CRYL1: variants seen among roughly 807,000 people sequenced by gnomAD.
CRYL1 encodes the protein lambda-crystallin homolog.
CRYL1 carries 29 observed loss-of-function variants against 36.6 expected under a neutral mutation model. The observed-to-expected ratio is 0.79, with a 90% CI of 0.59 to 1.08. The LOEUF (loss-of-function observed/expected upper bound fraction) is 1.08. CRYL1 is among the 50% of genes least tolerant of loss of function. The pLI, the probability that CRYL1 is intolerant of heterozygous loss-of-function variation, is 0.00. For synonymous variants in CRYL1, 152 were observed against 151.5 expected (o/e 1.00, Z -0.02); for missense variants, 411 against 407.9 (o/e 1.01, Z -0.06).
intron 5 of CRYL1, among the ~76,000 whole-genome samples, chr13:20,419,721 GT>G (rs2137374035): frequency 6.6e-6 from 1 of 152,318 alleles, no homozygotes; most frequent in African/African-American, 2.4e-5. Context: ...CCTAGATTAA[GT>G]TTATATTGAG....
rs868668201 is a variant in CRYL1, at chr13:20,503,425, G to A, written c.149+9018C>T. ...GGCTTCCCTCATCTGTTTAGCAGTC[G>A]GTGCTGTGCTGGATGGTGCTGGCTG... On this transcript the variant is annotated intron_variant, in intron 2 of 7. Transcript: ENST00000298248. Among the ~76,000 whole-genome samples the A allele has an allele frequency of 3.3e-5, 5 of 152,322 alleles. No individual in the cohort carries two copies. The South Asian group carries it at 8.3e-4, about 25-fold the overall frequency.
chr13:20,415,080 C>A lies in CRYL1; in HGVS notation c.634-1693G>T, dbSNP rs192023189. 4.5e-3 allele frequency among the ~76,000 whole-genome samples: 684 copies of A among 152,306 alleles called. 7 individuals carry two copies. Among genetic ancestry groups the A allele is most frequent in the African/African-American group, 0.015 (641 of 41,576 alleles). On this transcript the variant is annotated intron_variant, in intron 5 of 7. Transcript: ENST00000298248. This position sits in a 1 kb window ranked among gnomAD's most constrained non-coding sequence, Gnocchi z 4.1. Reference sequence around the variant, plus strand: ...ATCGCGGCCTGGGCGGGCCCGCCTGCCCTCGGCTGAGCCCGGTTTCCCTAC... The same window carrying A: ...ATCGCGGCCTGGGCGGGCCCGCCTGACCTCGGCTGAGCCCGGTTTCCCTAC...
intron 3 of CRYL1, among the ~76,000 whole-genome samples, chr13:20,484,160 A>T (rs1313615303): frequency 6.6e-6 from 1 of 152,184 alleles, no homozygotes; most frequent in Non-Finnish European, 1.5e-5. Flanking sequence ...AACTGTCTCC[A>T]AGTAGCCTAG....
intron 5 of CRYL1, among the ~76,000 whole-genome samples, chr13:20,423,489 C>T (rs887529321): frequency 6.6e-6 from 1 of 152,062 alleles, no homozygotes; most frequent in Non-Finnish European, 1.5e-5. Context: ...TGAATGTTGT[C>T]GTGTGCTTTT....
At chr13:20,523,034 A>G (rs955992639) in intron 1 of CRYL1, among the ~76,000 whole-genome samples, 1 of 147,664 alleles carries the variant, frequency 6.8e-6, no homozygotes, top group African/African-American at 2.5e-5. Context: ...CTCCTGACTC[A>G]GCCTCCTGAG....
chr13:20,421,209 A>G lies in CRYL1; in HGVS notation c.634-7822T>C, dbSNP rs1593432877. Among the ~76,000 whole-genome samples, 4 of 152,140 alleles carry G rather than the reference A, an allele frequency of 2.6e-5. No individual in the cohort carries two copies. The South Asian group carries it at 8.3e-4, about 32-fold the overall frequency. On this transcript the variant is annotated intron_variant, in intron 5 of 7. Transcript: ENST00000298248. ...TATAATGATGCTTTTAGGGGGAAAA[A>G]CAACAGTATTATAGAGTTTGAAAGA...
intron 4 of CRYL1, among the ~76,000 whole-genome samples, chr13:20,434,720 C>G (rs1036470095): frequency 6.7e-6 from 1 of 149,992 alleles, no homozygotes; most frequent in Non-Finnish European, 1.5e-5. Flanking sequence ...CTACCACTTA[C>G]TCTTTGGGTC....
chr13:20,455,560 C>T (rs887103874), intron 3 of CRYL1, among the ~76,000 whole-genome samples: 1 of 144,326 alleles, frequency 6.9e-6, no homozygotes, highest in Non-Finnish European at 1.5e-5. Flanking sequence ...TCAAGCTATA[C>T]CATAATCATG....
intron 3 of CRYL1, among the ~76,000 whole-genome samples, chr13:20,466,110 C>T (rs966416413): frequency 1.3e-5 from 2 of 152,194 alleles, no homozygotes; most frequent in African/African-American, 4.8e-5. Flanking sequence ...GCCTGCAGAA[C>T]CAAGAGCCAA....
intron 3 of CRYL1, among the ~76,000 whole-genome samples, chr13:20,443,663 G>A (rs1593448136): frequency 6.6e-6 from 1 of 152,098 alleles, no homozygotes. Flanking sequence ...AAAGTGCTGG[G>A]ATTACAGGTG....
At chr13:20,451,276 C>G (rs1029186571) in intron 3 of CRYL1, among the ~76,000 whole-genome samples, 1 of 151,716 alleles carries the variant, frequency 6.6e-6, no homozygotes, top group Non-Finnish European at 1.5e-5. Flanking sequence ...GCAACAGAAA[C>G]AAAAACTGAC....
chr13:20,459,353 T>C (rs940061869), intron 3 of CRYL1, among the ~76,000 whole-genome samples: 2 of 151,776 alleles, frequency 1.3e-5, no homozygotes, highest in Admixed American at 1.3e-4. Context: ...ACTGGGTATA[T>C]AGCCAAAGGA....
chr13:20,518,168 G>A (rs906543064), intron 1 of CRYL1, among the ~76,000 whole-genome samples: 2 of 151,938 alleles, frequency 1.3e-5, no homozygotes, highest in South Asian at 2.1e-4. Flanking sequence ...GAGGAAATAC[G>A]TAAAGGGCAC....
rs577954943 is a variant in CRYL1, at chr13:20,493,810, G to C, written c.150-4314C>G. Among the ~76,000 whole-genome samples the C allele has an allele frequency of 4.5e-4, 68 of 152,308 alleles. 1 individual carries two copies. The South Asian group carries it at 0.014, about 31-fold the overall frequency. On this transcript the variant is annotated intron_variant, in intron 2 of 7. Transcript: ENST00000298248. Reference sequence around the variant, plus strand: ...CAGGCCATAAAAAGTCAGGACTTTAGAAAAGGACACAGCCACCCTATAACT... The same window carrying C: ...CAGGCCATAAAAAGTCAGGACTTTACAAAAGGACACAGCCACCCTATAACT...
At chr13:20,482,263 G>A (rs1218307931) in intron 3 of CRYL1, among the ~76,000 whole-genome samples, 1 of 152,098 alleles carries the variant, frequency 6.6e-6, no homozygotes, top group Non-Finnish European at 1.5e-5. Flanking sequence ...TTAACTTCTC[G>A]ATTTCAGCTA....
intron 1 of CRYL1, among the ~76,000 whole-genome samples, chr13:20,517,413 G>A (rs2034018571): frequency 6.6e-6 from 1 of 151,756 alleles, no homozygotes; most frequent in Non-Finnish European, 1.5e-5. Flanking sequence ...TGGCCAAAAC[G>A]GTGAAACTCT....
intron 3 of CRYL1, among the ~76,000 whole-genome samples, chr13:20,479,598 A>G (rs1047365085): frequency 6.6e-6 from 1 of 152,202 alleles, no homozygotes; most frequent in African/African-American, 2.4e-5. Context: ...GATTAATATA[A>G]GTAGAATATG....
chr13:20,475,973 C>A (rs1206862179), intron 3 of CRYL1, among the ~76,000 whole-genome samples: 2 of 152,192 alleles, frequency 1.3e-5, no homozygotes, highest in Non-Finnish European at 2.9e-5. Context: ...AAGGCCACAG[C>A]CTCATCCTGG....
In CRYL1 at chr13:20,415,205, T is replaced by A. The variant is rs574552000; in HGVS notation, c.634-1818A>T. Among the ~76,000 whole-genome samples, 1 of 152,252 alleles carries A rather than the reference T, an allele frequency of 6.6e-6. No individual in the cohort carries two copies. Among genetic ancestry groups the A allele is most frequent in the Admixed American group, 6.5e-5 (1 of 15,304 alleles). Reference sequence around the variant, plus strand: ...GAAGGCCGTCTCCAAGCTGGGGGCTTGCTCCGCCCGGAGGGCTCTGCGGGG... The same window carrying A: ...GAAGGCCGTCTCCAAGCTGGGGGCTAGCTCCGCCCGGAGGGCTCTGCGGGG... On this transcript the variant is annotated intron_variant, in intron 5 of 7. Transcript: ENST00000298248. This position sits in a 1 kb window ranked among gnomAD's most constrained non-coding sequence, Gnocchi z 4.1.
Sources: allele counts gnomAD v4.1 joint callset (sites outside exome capture counted in the v4.1 genomes callset), GRCh38; gene constraint gnomAD v4.1.1; non-coding constraint Gnocchi (gnomAD v3.1); transcripts MANE v1.5; gene names NCBI Gene and HGNC (gene_info 2026-07-23, HGNC 2026-07-21).